Variants in PCDHGB3 observed in about 807,000 individuals in gnomAD.
The protein encoded by PCDHGB3 is protocadherin gamma-B3.
In PCDHGB3, 40 loss-of-function variants were observed where a neutral mutation model predicts 59.2. That is an observed-to-expected ratio of 0.68 (90% CI 0.52 to 0.88). The LOEUF is 0.88. PCDHGB3 is among the 40% of genes least tolerant of loss of function. The pLI is 0.00. For missense variants in PCDHGB3, 1,309 were observed against 1,187.9 expected, an observed-to-expected ratio of 1.10 and a Z score of -1.50; for synonymous variants, 581 against 503.6, an observed-to-expected ratio of 1.15 and a Z score of -2.06.
intron 1 of PCDHGB3, chr5:141,395,381 A>G (rs562557513): frequency 2.0e-4 from 223 of 1,094,768 alleles, no homozygotes; most frequent in African/African-American, 1.2e-3. Context: ...TGGTGTTACT[A>G]TAAAATTGAA....
Position 141,476,220 on chromosome 5 carries a change from A to G in PCDHGB3, c.2416-18587A>G, listed in dbSNP as rs770978000. On this transcript the variant is annotated intron_variant, in intron 1 of 3. Coordinates refer to ENST00000576222, the MANE Select transcript of PCDHGB3 (RefSeq NM_018924.5). This position sits in a 1 kb window ranked among gnomAD's most constrained non-coding sequence, Gnocchi z 7.6. Reference sequence around the variant, plus strand: ...AACAAGGCTTCCACGGTCATTCACTATGAGATCCCGGAGGAAAGAGAGAAG... The same window carrying G: ...AACAAGGCTTCCACGGTCATTCACTGTGAGATCCCGGAGGAAAGAGAGAAG... 44 of 1,613,884 alleles carry G rather than the reference A, an allele frequency of 2.7e-5. No individual in the cohort carries two copies. The highest frequency in any genetic ancestry group is 3.4e-5 in the Non-Finnish European group (40 of 1,180,004).
chr5:141,394,362 C>T, intron 1 of PCDHGB3: 1 of 1,614,174 alleles, frequency 6.2e-7, no homozygotes, highest in Non-Finnish European at 8.5e-7. Flanking sequence ...CCTGTATGCG[C>T]TGCAATCTTT....
chr5:141,459,117 T>A (rs1489347692), intron 1 of PCDHGB3, among the ~76,000 whole-genome samples: 1 of 152,224 alleles, frequency 6.6e-6, no homozygotes, highest in Non-Finnish European at 1.5e-5. Flanking sequence ...GACAATTGTT[T>A]ACATCTGTGT....
intron 1 of PCDHGB3, among the ~76,000 whole-genome samples, chr5:141,447,725 C>T (rs1009407606): frequency 1.3e-5 from 2 of 152,174 alleles, no homozygotes; most frequent in African/African-American, 4.8e-5. Context: ...TTTTCCAAAA[C>T]TCATTGAACT....
intron 1 of PCDHGB3, among the ~76,000 whole-genome samples, chr5:141,473,090 T>C (rs1426311051): frequency 3.9e-5 from 6 of 152,064 alleles, no homozygotes; most frequent in African/African-American, 1.4e-4. Context: ...TTATCCACTG[T>C]GAGTTGTATT....
intron 3 of PCDHGB3, among the ~76,000 whole-genome samples, chr5:141,509,686 G>A (rs1350812680): frequency 6.6e-6 from 1 of 152,212 alleles, no homozygotes; most frequent in Non-Finnish European, 1.5e-5. Flanking sequence ...CTTCTGTACA[G>A]TGGGACGTTG....
Position 141,477,439 on chromosome 5 carries a change from A to C in PCDHGB3, c.2416-17368A>C. 1 of 1,614,142 alleles carries C rather than the reference A, an allele frequency of 6.2e-7. No homozygotes were observed. Among genetic ancestry groups the C allele is most frequent in the Non-Finnish European group, 8.5e-7 (1 of 1,180,016 alleles). On this transcript the variant is annotated intron_variant, in intron 1 of 3. Transcript: ENST00000576222. This position sits in a 1 kb window ranked among gnomAD's most constrained non-coding sequence, Gnocchi z 4.9. ...GAACCCCTTCCCTCTCAGCCCTTAC[A>C]ATAGTGCGTGTTCAAGTGTCCGACA... is the stretch of plus-strand genomic sequence containing the variant.
At chr5:141,420,228 G>C (rs750839002) in intron 1 of PCDHGB3, 3 of 1,603,310 alleles carry the variant, frequency 1.9e-6, no homozygotes, top group Non-Finnish European at 2.6e-6. Flanking sequence ...CTACTGGCTA[G>C]CATTTTAACT....
chr5:141,390,041 C>T (rs373243233), intron 1 of PCDHGB3: 2 of 1,614,058 alleles, frequency 1.2e-6, no homozygotes, highest in Non-Finnish European at 1.7e-6. Context: ...CCTCCAGCCC[C>T]GCCTCCTGGA....
intron 1 of PCDHGB3, chr5:141,390,071 C>G (rs1322880756): frequency 1.2e-6 from 2 of 1,614,084 alleles, no homozygotes; most frequent in Non-Finnish European, 1.7e-6. Flanking sequence ...AGCCTGGTCT[C>G]TGTGTTAAAT....
chr5:141,491,513 A>C lies in PCDHGB3; in HGVS notation c.2416-3294A>C, dbSNP rs1163218369. On this transcript the variant is annotated intron_variant, in intron 1 of 3. Coordinates refer to ENST00000576222, the MANE Select transcript of PCDHGB3 (RefSeq NM_018924.5). The surrounding 1 kb of genome is among the most constrained non-coding windows in gnomAD (Gnocchi z 6.9). ...CAGGTGAGCTCGGACGGCACGCTCAAGTACATGGAGGTGACGCTGCGGCCC... is the reference window on the plus strand; with the variant it reads ...CAGGTGAGCTCGGACGGCACGCTCACGTACATGGAGGTGACGCTGCGGCCC... The C allele has an allele frequency of 6.2e-7, 1 of 1,613,934 alleles. No individual in the cohort carries two copies. Among genetic ancestry groups the C allele is most frequent in the East Asian group, 2.2e-5 (1 of 44,888 alleles).
intron 1 of PCDHGB3, chr5:141,410,320 C>A (rs752279818): frequency 6.2e-7 from 1 of 1,613,998 alleles, no homozygotes; most frequent in Non-Finnish European, 8.5e-7. Context: ...TCCTCCTCGC[C>A]GTGATTCTGG....
chr5:141,421,243 C>A (rs201273667), intron 1 of PCDHGB3: 1 of 1,601,658 alleles, frequency 6.2e-7, no homozygotes. Flanking sequence ...GAATCGGCTA[C>A]AGCGCGGGGA....
chr5:141,484,763 T>C (rs2099600495), intron 1 of PCDHGB3, among the ~76,000 whole-genome samples: 1 of 151,872 alleles, frequency 6.6e-6, no homozygotes, highest in East Asian at 1.9e-4. Flanking sequence ...TATATATATA[T>C]ATGTTGTCTG....
chr5:141,497,596 G>C (rs920597006), intron 2 of PCDHGB3, among the ~76,000 whole-genome samples: 1 of 149,648 alleles, frequency 6.7e-6, no homozygotes, highest in Admixed American at 6.7e-5. Context: ...CTGGAGTGCA[G>C]TGGTGCGATC....
chr5:141,384,206 C>T (rs887307433), intron 1 of PCDHGB3: 1 of 1,613,928 alleles, frequency 6.2e-7, no homozygotes. Context: ...TCCAGGGAAA[C>T]TCACATATTC....
rs371319055 is a variant in PCDHGB3 at position 141,399,494 on chromosome 5, G to C, written c.2415+26685G>C. 328 of 1,614,032 alleles carry C rather than the reference G, an allele frequency of 2.0e-4. 1 individual carries two copies. The highest frequency in any genetic ancestry group is 1.7e-3 in the South Asian group (152 of 91,086). ...TTCCACCAGGCGTCCTACTTAGTCA[G>C]TGTACCCGAAAACAACCCTCCTGGG... is the stretch of plus-strand genomic sequence containing the variant. On this transcript the variant is annotated intron_variant, in intron 1 of 3. Coordinates refer to ENST00000576222, the MANE Select transcript of PCDHGB3 (RefSeq NM_018924.5).
At chr5:141,394,952 G>A (rs764724660) in intron 1 of PCDHGB3, 13 of 1,613,738 alleles carry the variant, frequency 8.1e-6, no homozygotes, top group African/African-American at 6.7e-5. Context: ...TGCTTCTGGG[G>A]CTCAGGCTGA....
chr5:141,460,126 T>TC (rs2098982804), intron 1 of PCDHGB3, among the ~76,000 whole-genome samples: 1 of 151,986 alleles, frequency 6.6e-6, no homozygotes, highest in South Asian at 2.1e-4. Context: ...ATATATGTAA[T>TC]ATATATATTC....
Sources: gnomAD v4.1 joint callset for allele counts (sites outside exome capture counted in the v4.1 genomes callset) on GRCh38, gnomAD v4.1.1 for gene constraint, Gnocchi (gnomAD v3.1) non-coding constraint, MANE v1.5 for transcripts, NCBI Gene and HGNC (gene_info 2026-07-23, HGNC 2026-07-21) for gene names.